XDH: variants seen among roughly 807,000 people sequenced by gnomAD.
The protein encoded by XDH is xanthine dehydrogenase.
XDH carries 138 observed loss-of-function variants against 156.1 expected under a neutral mutation model. The ratio of observed to expected loss-of-function variants is 0.88; its 90% CI spans 0.77 to 1.02. The LOEUF (loss-of-function observed/expected upper bound fraction) is 1.02, where lower values mean the gene tolerates loss of function less well. Among genes scored for constraint, XDH ranks in the 50% least tolerant of loss-of-function variants. The pLI, the probability that XDH is intolerant of heterozygous loss-of-function variation, is 0.00. For missense variants in XDH, 1,849 were observed against 1,684.9 expected (o/e 1.10, Z -1.71); for synonymous variants, 669 against 625.7 (o/e 1.07, Z -1.03).
intron 1 of XDH, among the ~76,000 whole-genome samples, chr2:31,411,107 C>G (rs554528706): frequency 2.6e-4 from 39 of 151,876 alleles, no homozygotes; most frequent in Middle Eastern, 6.8e-3. Context: ...GATGGTAGAA[C>G]CCCAACTCTA....
At chr2:31,401,360 T>C (rs1442215704) in intron 3 of XDH, 32 bp from the exon 4 acceptor site, 3 of 1,610,570 alleles carry the variant, frequency 1.9e-6, no homozygotes, top group African/African-American at 1.3e-5. Context: ...ATTCCATTTA[T>C]TGTCCACTCA....
intron 4 of XDH, 88 bp from the exon 5 acceptor site, chr2:31,398,787 G>C: frequency 1.9e-6 from 3 of 1,591,696 alleles, no homozygotes; most frequent in Non-Finnish European, 2.6e-6. Flanking sequence ...CACATGTTGA[G>C]AGATAGTGGG....
At chr2:31,356,550 C>T (rs1214521304) in intron 24 of XDH, among the ~76,000 whole-genome samples, 1 of 152,126 alleles carries the variant, frequency 6.6e-6, no homozygotes, top group East Asian at 1.9e-4. Context: ...CTGATGCAAC[C>T]ACAAGTCAAG....
At chr2:31,336,090 C>A in intron 35 of XDH, 82 bp from the exon 36 acceptor site, 1 of 1,427,152 alleles carries the variant, frequency 7.0e-7, no homozygotes, top group South Asian at 1.1e-5. Context: ...CACCTCCCAC[C>A]ACTGCCAACC....
In XDH at chr2:31,335,970, A is replaced by T; in HGVS notation, c.3990T>A (p.Ser1330=). The change falls in exon 36 of 36, where the codon TCT becomes TCA. Residue 1330 remains serine (S), a synonymous_variant. Coordinates refer to ENST00000379416, the MANE Select transcript of XDH (RefSeq NM_000379.4). ...GAGGACTCTCTCTTTAGACCCTCAC[A>T]GACCAGGGTTTGCAGTTTTCTGGGA... ...TGVPENCKPW[S]VRV is the part of the protein sequence containing the mutation. The T allele has an allele frequency of 6.2e-7, 1 of 1,614,236 alleles. No individual in the cohort carries two copies. Among genetic ancestry groups the T allele is most frequent in the Non-Finnish European group, 8.5e-7 (1 of 1,180,038 alleles).
At chr2:31,338,530 C>G (rs992846404) in intron 34 of XDH, among the ~76,000 whole-genome samples, 4 of 152,150 alleles carry the variant, frequency 2.6e-5, no homozygotes, top group Non-Finnish European at 5.9e-5. Flanking sequence ...CTTCCCCACC[C>G]ACTATGGTAA....
chr2:31,410,789 G>C (rs1687321039), intron 1 of XDH, among the ~76,000 whole-genome samples: 1 of 152,170 alleles, frequency 6.6e-6, no homozygotes, highest in South Asian at 2.1e-4. Context: ...GTCATGAAAG[G>C]AAAGCTGAGG....
chr2:31,350,129 T>G lies in XDH; in HGVS notation c.2726A>C (p.Asn909Thr). The change falls in exon 25 of 36, where the codon AAC becomes ACC. Residue 909 changes from asparagine to threonine, a missense_variant. Physicochemically the swap from Asn to Thr is moderately conservative, Grantham distance 65. Coordinates refer to ENST00000379416, the MANE Select transcript of XDH (RefSeq NM_000379.4). ...GRLCKTNLPS[N>T]TAFRGFGGPQ... ...CCCCCCAAAGCCCCGGAAGGCCGTG[T>G]TGGAGGGAAGGTTGGTTTTGCACAG... 6.2e-7 allele frequency: 1 copy of G among 1,614,160 alleles called. No individual in the cohort carries two copies. Among genetic ancestry groups the G allele is most frequent in the Non-Finnish European group, 8.5e-7 (1 of 1,180,028 alleles).
chr2:31,362,793 C>T (rs879628144), intron 24 of XDH, among the ~76,000 whole-genome samples: 1 of 152,322 alleles, frequency 6.6e-6, no homozygotes, highest in Admixed American at 6.5e-5. Flanking sequence ...GTTAAGCTCA[C>T]CACAGATTCA....
rs150309492 is a variant in XDH at position 31,376,211 on chromosome 2, C to T, written c.1428-657G>A. Among the ~76,000 whole-genome samples, 4 of 151,322 alleles carry T rather than the reference C, an allele frequency of 2.6e-5. No individual in the cohort carries two copies. In the East Asian group the frequency reaches 7.7e-4, roughly 29 times the overall value. On this transcript the variant is annotated intron_variant, in intron 14 of 35. Transcript: ENST00000379416. ...ATACTACTAGTAATAATACTAGCAA[C>T]AGCAATAATAGTTGCAGTAGTGGTA...
chr2:31,357,898 C>T (rs1685668539), intron 24 of XDH, among the ~76,000 whole-genome samples: 1 of 151,760 alleles, frequency 6.6e-6, no homozygotes, highest in Non-Finnish European at 1.5e-5. Flanking sequence ...TCTCAAAATA[C>T]AAAACTACCA....
chr2:31,348,420 T>C, intron 27 of XDH, 57 bp from the exon 28 acceptor site: 1 of 1,552,536 alleles, frequency 6.4e-7, no homozygotes. Context: ...CTCATTAAGG[T>C]TTGGGACCAA....
intron 24 of XDH, among the ~76,000 whole-genome samples, chr2:31,354,351 C>T (rs534051617): frequency 7.8e-4 from 119 of 152,144 alleles, no homozygotes; most frequent in Admixed American, 2.6e-3. Context: ...ACGGGTTTCT[C>T]CAAGTTTCAG....
intron 31 of XDH, among the ~76,000 whole-genome samples, chr2:31,343,382 CAT>C (rs1469247485): frequency 8.3e-6 from 1 of 121,036 alleles, no homozygotes; most frequent in East Asian, 2.4e-4. Context: ...AATATCTATA[CAT>C]ATATATGAGC....
intron 24 of XDH, among the ~76,000 whole-genome samples, chr2:31,358,651 A>G (rs2148762412): frequency 6.6e-6 from 1 of 152,312 alleles, no homozygotes; most frequent in East Asian, 1.9e-4. Context: ...CTAAAGAAGA[A>G]AAAATCACAT....
At chr2:31,346,695 C>T (rs1389216495) in intron 30 of XDH, 74 bp downstream of exon 30, 9 of 1,559,982 alleles carry the variant, frequency 5.8e-6, no homozygotes, top group Middle Eastern at 1.7e-4. Flanking sequence ...ATTACTTGTT[C>T]GGATTCGGAA....
rs200349996 is a variant in XDH at position 31,342,270 on chromosome 2, C to A, written c.3432G>T (p.Glu1144Asp). 3.4e-5 allele frequency: 55 copies of A among 1,614,118 alleles called. No individual in the cohort carries two copies. Among genetic ancestry groups the A allele is most frequent in the Non-Finnish European group, 4.7e-5 (55 of 1,180,014 alleles). The change falls in exon 32 of 36, where the codon GAG becomes GAT. Residue 1144 changes from glutamate to aspartate, a missense_variant. Glu to Asp is a conservative substitution (Grantham distance 45). Transcript: ENST00000379416. ...YRTPNLGYSFETNSGNPFHYF... is the reference protein window; with the variant it reads ...YRTPNLGYSFDTNSGNPFHYF... ...AGTGGAAGGGGTTCCCTGAGTTAGT[C>A]TCAAAGCTGTAGCCCAGATTGGGTG...
At chr2:31,356,671 G>A (rs1685632331) in intron 24 of XDH, among the ~76,000 whole-genome samples, 1 of 152,198 alleles carries the variant, frequency 6.6e-6, no homozygotes, top group Non-Finnish European at 1.5e-5. Context: ...TCTGGCCTCA[G>A]AACTGTGAGA....
At chr2:31,365,916 C>T (rs994037329) in intron 22 of XDH, 60 bp downstream of exon 22, 1 of 1,612,930 alleles carries the variant, frequency 6.2e-7, no homozygotes, top group Non-Finnish European at 8.5e-7. Context: ...ACCTTCCTGG[C>T]ACAGACAGCC....
Sources: gnomAD v4.1 joint callset for allele counts (sites outside exome capture counted in the v4.1 genomes callset) on GRCh38, gnomAD v4.1.1 for gene constraint, MANE v1.5 for transcripts, NCBI Gene and HGNC (gene_info 2026-07-23, HGNC 2026-07-21) for gene names.